FYB1: variants seen among roughly 807,000 people sequenced by gnomAD.
The protein encoded by FYB1 is FYN-binding protein 1.
FYB1 carries 41 observed loss-of-function variants against 94.1 expected under a neutral mutation model. That is an observed-to-expected ratio of 0.44 (90% CI 0.34 to 0.57). The LOEUF (loss-of-function observed/expected upper bound fraction) is 0.57, where lower values mean the gene tolerates loss of function less well. FYB1 is among the 20% of genes least tolerant of loss of function. The pLI, the probability that FYB1 is intolerant of heterozygous loss-of-function variation, is 0.02. For synonymous variants in FYB1, 367 were observed against 353.2 expected (o/e 1.04, Z -0.44); for missense variants, 1,050 against 976.8 (o/e 1.07, Z -1.00).
intron 1 of FYB1, among the ~76,000 whole-genome samples, chr5:39,203,599 T>C (rs937378885): frequency 1.3e-5 from 2 of 152,168 alleles, no homozygotes; most frequent in African/African-American, 4.8e-5. Context: ...TGACTTCTTC[T>C]CCTTATTTGT....
chr5:39,174,774 A>G (rs1443582779), intron 2 of FYB1, among the ~76,000 whole-genome samples: 4 of 152,194 alleles, frequency 2.6e-5, no homozygotes, highest in South Asian at 4.1e-4. Flanking sequence ...AAACATAAGC[A>G]TCTTATTTTT....
At chr5:39,148,155 TTATATATATA>T (rs10528848) in intron 3 of FYB1, among the ~76,000 whole-genome samples, 2,313 of 37,468 alleles carry the variant, frequency 0.062, 101 homozygotes, top group Non-Finnish European at 0.079. Context: ...TATGTATTTT[TTATATATATA>T]TATATATATA....
intron 1 of FYB1, among the ~76,000 whole-genome samples, chr5:39,268,806 C>A (rs1044022035): frequency 3.9e-5 from 6 of 152,160 alleles, no homozygotes; most frequent in Non-Finnish European, 8.8e-5. Flanking sequence ...CTCAGGTGAT[C>A]TGCCTGCCTC....
chr5:39,258,177 A>C (rs1269011094), intron 1 of FYB1, among the ~76,000 whole-genome samples: 1 of 152,202 alleles, frequency 6.6e-6, no homozygotes, highest in African/African-American at 2.4e-5. Flanking sequence ...AAGTGTGGTA[A>C]TGGAGACCTG....
intron 1 of FYB1, among the ~76,000 whole-genome samples, chr5:39,232,765 T>G (rs1302842415): frequency 7.0e-6 from 1 of 141,906 alleles, no homozygotes; most frequent in African/African-American, 2.6e-5. Context: ...CCCCTTCCTG[T>G]GTCCATGTGA....
At position 39,237,688 on chromosome 5, in the gene FYB1, T is replaced by C. The variant is rs75384183; in HGVS notation, c.-27-34701A>G. On this transcript the variant is annotated intron_variant, in intron 1 of 1. Coordinates refer to the FYB1 transcript ENST00000510188. ...TGAGAGATACTGATGATGGCATAGG[T>C]GGGAAAAGAAACCCAGTGGGAGAAA... 6.5e-3 allele frequency among the ~76,000 whole-genome samples: 991 copies of C among 152,096 alleles called. 14 individuals are homozygous for C. Among genetic ancestry groups the C allele is most frequent in the African/African-American group, 0.023 (940 of 41,512 alleles).
At chr5:39,263,627 C>CA (rs1752316888) in intron 1 of FYB1, among the ~76,000 whole-genome samples, 1 of 152,158 alleles carries the variant, frequency 6.6e-6, no homozygotes, top group Non-Finnish European at 1.5e-5. Flanking sequence ...TCCATACTCT[C>CA]AGATTTCCCT....
intron 2 of FYB1, among the ~76,000 whole-genome samples, chr5:39,186,999 A>T (rs1390680966): frequency 1.3e-5 from 2 of 152,142 alleles, no homozygotes; most frequent in African/African-American, 4.8e-5. Flanking sequence ...CTAATAACAA[A>T]GCAACTGCTC....
At chr5:39,270,329 C>G (rs1465962744) in intron 1 of FYB1, among the ~76,000 whole-genome samples, 1 of 152,156 alleles carries the variant, frequency 6.6e-6, no homozygotes, top group African/African-American at 2.4e-5. Flanking sequence ...TTCTGCAAGA[C>G]AGTGCTCTTC....
At chr5:39,205,779 G>A (rs552365174) in intron 1 of FYB1, among the ~76,000 whole-genome samples, 1 of 152,124 alleles carries the variant, frequency 6.6e-6, no homozygotes, top group Non-Finnish European at 1.5e-5. Flanking sequence ...CCTTGACTTT[G>A]CCATTTTACT....
At chr5:39,234,538 C>G (rs1471564029) in intron 1 of FYB1, among the ~76,000 whole-genome samples, 1 of 152,180 alleles carries the variant, frequency 6.6e-6, no homozygotes, top group African/African-American at 2.4e-5. Flanking sequence ...AATCCCATTA[C>G]TGGGTATCTA....
intron 7 of FYB1, 139 bp downstream of exon 7, chr5:39,137,461 T>C (rs1741769433): frequency 1.0e-6 from 1 of 965,550 alleles, no homozygotes; most frequent in Non-Finnish European, 1.5e-6. Flanking sequence ...AAAAAAGTAC[T>C]GTTATGAAGA....
At chr5:39,267,012 C>T (rs930013541) in intron 1 of FYB1, among the ~76,000 whole-genome samples, 2 of 152,130 alleles carry the variant, frequency 1.3e-5, no homozygotes, top group African/African-American at 4.8e-5. Flanking sequence ...ATAAAATCGT[C>T]CTCAAATTCC....
intron 1 of FYB1, among the ~76,000 whole-genome samples, chr5:39,237,896 G>A (rs942370493): frequency 3.3e-5 from 5 of 152,154 alleles, no homozygotes; most frequent in Admixed American, 2.0e-4. Context: ...TAATAGATTC[G>A]TATGAACCTG....
chr5:39,181,021 A>T (rs1746176366), intron 2 of FYB1, among the ~76,000 whole-genome samples: 1 of 152,214 alleles, frequency 6.6e-6, no homozygotes, highest in African/African-American at 2.4e-5. Flanking sequence ...CCAAGCACAC[A>T]GTTCAAAGGT....
intron 3 of FYB1, 144 bp downstream of exon 3, chr5:39,153,304 G>A: frequency 6.1e-6 from 6 of 976,814 alleles, no homozygotes; most frequent in Middle Eastern, 5.7e-4. Context: ...AGCTCGGCCA[G>A]CTCAGCCAGC....
In FYB1 at chr5:39,210,503, CT is replaced by C. The variant is rs1749265201; in HGVS notation, c.-27-7517del. Among the ~76,000 whole-genome samples the C allele has an allele frequency of 6.6e-5, 10 of 152,322 alleles. No individual in the cohort carries two copies. In the South Asian group the frequency reaches 2.1e-3, roughly 32 times the overall value. On this transcript the variant is annotated intron_variant, in intron 1 of 18. Transcript: ENST00000512982. ...ATGGTGATGGTCCACCTCCCAAATG[CT>C]GGCGCCTTGTATTCTCTATAAGGCA...
At chr5:39,234,740 C>A (rs999667778) in intron 1 of FYB1, among the ~76,000 whole-genome samples, 16 of 152,106 alleles carry the variant, frequency 1.1e-4, no homozygotes, top group Middle Eastern at 3.4e-3. Flanking sequence ...ATGTCCTTTG[C>A]AGGGACATGG....
chr5:39,261,337 GACAC>G (rs57277521), intron 1 of FYB1, among the ~76,000 whole-genome samples: 3,420 of 133,842 alleles, frequency 0.026, 118 homozygotes, highest in African/African-American at 0.069. Flanking sequence ...TGTAGATTAA[GACAC>G]ACACACACAC....
Sources: gnomAD v4.1 joint callset for allele counts (sites outside exome capture counted in the v4.1 genomes callset) on GRCh38, gnomAD v4.1.1 for gene constraint, MANE v1.5 for transcripts, NCBI Gene and HGNC (gene_info 2026-07-23, HGNC 2026-07-21) for gene names.